Variants in SGK3 observed in about 807,000 individuals in gnomAD.
The protein encoded by SGK3 is serum/glucocorticoid regulated kinase family member 3.
A neutral mutation model predicts 68.5 loss-of-function variants in SGK3; 47 were observed. The ratio of observed to expected loss-of-function variants is 0.69; its 90% CI spans 0.54 to 0.87. The LOEUF (loss-of-function observed/expected upper bound fraction) is 0.87, where lower values mean the gene tolerates loss of function less well. SGK3 is among the 40% of genes least tolerant of loss of function. SGK3 has a pLI of 0.00. For synonymous variants in SGK3, 181 were observed against 189.1 expected, an observed-to-expected ratio of 0.96 and a Z score of 0.35; for missense variants, 479 against 575.5, an observed-to-expected ratio of 0.83 and a Z score of 1.72.
chr8:66,853,205 A>G (rs1810362562), intron 16 of SGK3, among the ~76,000 whole-genome samples: 1 of 152,170 alleles, frequency 6.6e-6, no homozygotes, highest in African/African-American at 2.4e-5. Flanking sequence ...CTTAGAAAAC[A>G]CAAGTAGAAC....
Position 66,859,299 on chromosome 8 carries a change from A to G in SGK3, c.1321-112A>G, listed in dbSNP as rs555312601. On this transcript the variant is annotated intron_variant, in intron 16 of 16. Transcript: ENST00000521198. ...AGTGAGCCAAGATCGCGCCACTGGC[A>G]TGCCAGCCCAGGTGGCAGTGTGAGA... 3.2e-4 allele frequency: 417 copies of G among 1,283,576 alleles called. 1 individual carries two copies. The African/African-American group carries it at 5.3e-3, about 16-fold the overall frequency. 79.5% of individuals were successfully genotyped at this position (1,283,576 alleles called of 1,614,324 possible). A position where few individuals can be genotyped will look rare whatever the true frequency, so the allele number is the denominator to read the frequency against.
intron 16 of SGK3, among the ~76,000 whole-genome samples, chr8:66,856,088 G>A (rs1409543564): frequency 6.8e-6 from 1 of 147,214 alleles, no homozygotes; most frequent in Admixed American, 6.7e-5. Context: ...TTTTTTTTGA[G>A]ATGGAATCTT....
intron 1 of SGK3, among the ~76,000 whole-genome samples, chr8:66,738,598 G>A (rs943285000): frequency 6.6e-6 from 1 of 151,096 alleles, no homozygotes; most frequent in African/African-American, 2.4e-5. Flanking sequence ...TCCTTCTGTT[G>A]TTCACTAGGC....
chr8:66,793,453 A>T (rs967683338), intron 1 of SGK3, among the ~76,000 whole-genome samples, 163 bp from the exon 2 acceptor site: 37 of 152,236 alleles, frequency 2.4e-4, no homozygotes, highest in African/African-American at 8.9e-4. Context: ...TGTGGCTTGT[A>T]GTAGGAACAT....
intron 4 of SGK3, among the ~76,000 whole-genome samples, chr8:66,811,298 G>A (rs542126671): frequency 7.9e-5 from 12 of 152,242 alleles, no homozygotes; most frequent in African/African-American, 2.2e-4. Context: ...GATTACAGAC[G>A]TGAGCCACTG....
chr8:66,723,362 T>A (rs1804880582), intron 1 of SGK3, among the ~76,000 whole-genome samples: 1 of 151,062 alleles, frequency 6.6e-6, no homozygotes. Context: ...GAGAATCGCT[T>A]GAACCCGGGA....
At chr8:66,740,580 T>C (rs1285265546) in intron 1 of SGK3, among the ~76,000 whole-genome samples, 2 of 152,206 alleles carry the variant, frequency 1.3e-5, no homozygotes, top group Non-Finnish European at 2.9e-5. Flanking sequence ...GCTTGATTGC[T>C]CATCTTAGTA....
rs773984352 is a variant in SGK3, at chr8:66,798,540, AG to A, written c.97del. ...ATATTATGTAATTTTTTATTTCCAC[AG>A]GTTTATAAAGTTCTGGTTTCAGTGG... On this transcript the variant is annotated splice_acceptor_variant, in intron 2 of 16. Coordinates refer to ENST00000521198, the MANE Select transcript of SGK3 (RefSeq NM_001033578.3). LOFTEE classifies it high-confidence loss of function. 1.3e-5 allele frequency: 21 copies of A among 1,601,580 alleles called. No homozygotes were observed. The highest frequency in any genetic ancestry group is 1.6e-5 in the Non-Finnish European group (19 of 1,174,210).
chr8:66,850,235 T>C (rs1254865332), intron 15 of SGK3, among the ~76,000 whole-genome samples: 3 of 152,234 alleles, frequency 2.0e-5, no homozygotes, highest in African/African-American at 7.2e-5. Flanking sequence ...TACCACTTTC[T>C]CTAAGAAGTC....
intron 16 of SGK3, among the ~76,000 whole-genome samples, chr8:66,855,524 A>G (rs1810477185): frequency 6.6e-6 from 1 of 152,200 alleles, no homozygotes; most frequent in African/African-American, 2.4e-5. Flanking sequence ...ATTTTAGTAT[A>G]TGTGCTGCCG....
chr8:66,745,443 G>A (rs1161222228), intron 1 of SGK3, among the ~76,000 whole-genome samples: 3 of 151,916 alleles, frequency 2.0e-5, no homozygotes, highest in Non-Finnish European at 4.4e-5. Flanking sequence ...GTGTGGTGGC[G>A]GGCGCCTGTA....
At position 66,793,731 on chromosome 8, in the gene SGK3, G is replaced by A. The variant is rs1235318484; in HGVS notation, c.-6G>A. On this transcript the variant is annotated 5_prime_UTR_variant, in exon 2 of 17. Transcript: ENST00000521198. Reference sequence around the variant, plus strand: ...TGCATTTTTTGGTGTGCTCTTGAGGGATTAAATGCAAAGAGATCACACCAT... The same window carrying A: ...TGCATTTTTTGGTGTGCTCTTGAGGAATTAAATGCAAAGAGATCACACCAT... 6.2e-7 allele frequency: 1 copy of A among 1,612,058 alleles called. No homozygotes were observed.
At chr8:66,750,771 G>A (rs775501350) in intron 1 of SGK3, among the ~76,000 whole-genome samples, 4 of 151,278 alleles carry the variant, frequency 2.6e-5, no homozygotes, top group African/African-American at 4.8e-5. Flanking sequence ...TTGGGAGGCC[G>A]AGGCAGGTGG....
intron 1 of SGK3, among the ~76,000 whole-genome samples, chr8:66,774,211 A>G (rs905330649): frequency 1.3e-5 from 2 of 152,236 alleles, no homozygotes; most frequent in African/African-American, 4.8e-5. Context: ...CCTTAAGGCT[A>G]CAGAGCTAGG....
intron 1 of SGK3, among the ~76,000 whole-genome samples, chr8:66,778,422 G>T (rs886862599): frequency 2.6e-5 from 4 of 152,124 alleles, no homozygotes; most frequent in African/African-American, 9.7e-5. Flanking sequence ...TCAGAATCCG[G>T]AGTAGCTGGG....
chr8:66,744,233 C>G (rs1478382211), intron 1 of SGK3, among the ~76,000 whole-genome samples: 1 of 152,012 alleles, frequency 6.6e-6, no homozygotes, highest in South Asian at 2.1e-4. Flanking sequence ...CTTTTAGAGG[C>G]ATTGCTCCCT....
rs563198557 is a variant in SGK3, at chr8:66,715,244, G to GCTTT, written c.-122+2428_-122+2431dup. Among the ~76,000 whole-genome samples, 18 of 151,562 alleles carry GCTTT rather than the reference G, an allele frequency of 1.2e-4. No individual in the cohort carries two copies. In the South Asian group the frequency reaches 2.1e-3, roughly 17 times the overall value. On this transcript the variant is annotated intron_variant, in intron 1 of 16. Coordinates refer to ENST00000521198, the MANE Select transcript of SGK3 (RefSeq NM_001033578.3). Reference sequence around the variant, plus strand: ...GTATTTATGTTTATGTTGACAGCTTGCTTTCTTTCTTTCTTTCTTTGTTTT... The same window carrying GCTTT: ...GTATTTATGTTTATGTTGACAGCTTGCTTTCTTTCTTTCTTTCTTTCTTTGTTTT...
At chr8:66,859,316 A>G in intron 16 of SGK3, 95 bp from the exon 17 acceptor site, 3 of 1,314,808 alleles carry the variant, frequency 2.3e-6, no homozygotes, top group Non-Finnish European at 3.0e-6. Context: ...CCCAGGTGGC[A>G]GTGTGAGACT....
chr8:66,839,879 A>G, intron 10 of SGK3, 124 bp from the exon 11 acceptor site: 1 of 837,982 alleles, frequency 1.2e-6, no homozygotes, highest in Non-Finnish European at 1.8e-6. Flanking sequence ...TAACATTTTT[A>G]GCTCACATTC....
Sources: gnomAD v4.1 joint callset for allele counts (sites outside exome capture counted in the v4.1 genomes callset) on GRCh38, gnomAD v4.1.1 for gene constraint, MANE v1.5 for transcripts, NCBI Gene and HGNC (gene_info 2026-07-23, HGNC 2026-07-21) for gene names.